Variants in PALM2AKAP2 observed in about 807,000 individuals in gnomAD.
PALM2AKAP2 encodes the protein PALM2-AKAP2 fusion protein.
Under a neutral mutation model 71.5 loss-of-function variants are expected in PALM2AKAP2, and 37 were observed. The ratio of observed to expected loss-of-function variants is 0.52; its 90% CI spans 0.40 to 0.68. The LOEUF (loss-of-function observed/expected upper bound fraction) is 0.68, where lower values mean the gene tolerates loss of function less well. Among genes scored for constraint, PALM2AKAP2 ranks in the 30% least tolerant of loss-of-function variants. The pLI, the probability that PALM2AKAP2 is intolerant of heterozygous loss-of-function variation, is 0.00. For missense variants in PALM2AKAP2, 1,224 were observed against 1,191.8 expected (o/e 1.03, Z -0.40); for synonymous variants, 468 against 478.8 (o/e 0.98, Z 0.29).
chr9:110,148,988 G>A (rs143930790), intron 2 of PALM2AKAP2, among the ~76,000 whole-genome samples: 2 of 152,190 alleles, frequency 1.3e-5, no homozygotes, highest in East Asian at 1.9e-4. Context: ...GCCTTTTCTC[G>A]GGTTCTTTGG....
chr9:109,925,465 T>A (rs1383702567), intron 5 of PALM2AKAP2, among the ~76,000 whole-genome samples: 1 of 152,102 alleles, frequency 6.6e-6, no homozygotes, highest in Non-Finnish European at 1.5e-5. Context: ...GAAACATACG[T>A]GAGAAGTTTA....
chr9:109,936,310 C>T (rs1831216301), intron 6 of PALM2AKAP2, among the ~76,000 whole-genome samples: 1 of 152,122 alleles, frequency 6.6e-6, no homozygotes, highest in Non-Finnish European at 1.5e-5. Context: ...CTGTATTGAA[C>T]ATTAGAACTT....
At chr9:109,782,003 G>T (rs920457219) in intron 1 of PALM2AKAP2, among the ~76,000 whole-genome samples, 2 of 152,354 alleles carry the variant, frequency 1.3e-5, no homozygotes, top group South Asian at 4.1e-4. Flanking sequence ...AACTGTTGAT[G>T]CAGTGGCTGT....
chr9:109,876,184 C>T (rs569694040), intron 2 of PALM2AKAP2, among the ~76,000 whole-genome samples: 18 of 152,028 alleles, frequency 1.2e-4, no homozygotes, highest in East Asian at 5.8e-4. Flanking sequence ...GCTCTGCTTC[C>T]GCTAAATTCT....
intron 1 of PALM2AKAP2, among the ~76,000 whole-genome samples, chr9:109,761,895 G>A (rs1829060059): frequency 6.6e-6 from 1 of 152,154 alleles, no homozygotes; most frequent in South Asian, 2.1e-4. Flanking sequence ...ACCCAGTAAT[G>A]AGATAGAAGA....
intron 1 of PALM2AKAP2, among the ~76,000 whole-genome samples, chr9:109,724,263 A>G (rs1378490185): frequency 5.3e-5 from 8 of 152,228 alleles, no homozygotes; most frequent in Admixed American, 5.2e-4. Flanking sequence ...AAAGGGAAAC[A>G]TCATGTTCTT....
chr9:110,084,164 TA>T (rs1483439373), intron 1 of PALM2AKAP2, among the ~76,000 whole-genome samples: 4 of 152,204 alleles, frequency 2.6e-5, no homozygotes, highest in African/African-American at 9.6e-5. Flanking sequence ...GCAAGAGCTA[TA>T]TAAAACACTA....
At chr9:110,054,440 G>A (rs1454447834) in intron 1 of PALM2AKAP2, among the ~76,000 whole-genome samples, 1 of 152,022 alleles carries the variant, frequency 6.6e-6, no homozygotes, top group Non-Finnish European at 1.5e-5. Flanking sequence ...CAAAACTTGT[G>A]TAAAATCAGA....
chr9:109,640,794 T>C (rs1394085021), exon 1 of PALM2AKAP2: 1 of 1,493,412 alleles, frequency 6.7e-7, no homozygotes, highest in African/African-American at 1.5e-5. Flanking sequence ...GCCAGTGCAC[T>C]CGGCTCCGGG....
intron 1 of PALM2AKAP2, among the ~76,000 whole-genome samples, chr9:110,112,376 C>T (rs75861281): frequency 0.063 from 9,526 of 152,256 alleles, 348 homozygotes; most frequent in Middle Eastern, 0.11. Context: ...GGGCAAATTA[C>T]TTAAGCTCTG....
chr9:109,745,628 A>G (rs1407118817), intron 1 of PALM2AKAP2, among the ~76,000 whole-genome samples: 2 of 152,164 alleles, frequency 1.3e-5, no homozygotes, highest in Non-Finnish European at 2.9e-5. Flanking sequence ...TTACAGCAAT[A>G]ATAAAAATAG....
intron 1 of PALM2AKAP2, chr9:109,866,897 C>T (rs1264882648): frequency 2.6e-6 from 1 of 389,460 alleles, no homozygotes; most frequent in Non-Finnish European, 5.1e-6. Flanking sequence ...GCTGCCCCAC[C>T]CACATGAAAT....
chr9:109,917,971 A>C (rs1312352443), intron 3 of PALM2AKAP2, among the ~76,000 whole-genome samples: 2 of 152,160 alleles, frequency 1.3e-5, no homozygotes, highest in Non-Finnish European at 1.5e-5. Context: ...AGTTTGGAAG[A>C]GGGGGAGAAT....
chr9:109,813,970 CT>C (rs1827789939), intron 1 of PALM2AKAP2, among the ~76,000 whole-genome samples: 1 of 152,118 alleles, frequency 6.6e-6, no homozygotes, highest in Admixed American at 6.5e-5. Flanking sequence ...CGCATGTGCT[CT>C]TTTGGCACTT....
intron 3 of PALM2AKAP2, among the ~76,000 whole-genome samples, chr9:110,159,643 C>T (rs1033289091): frequency 1.3e-5 from 2 of 152,092 alleles, no homozygotes; most frequent in African/African-American, 4.8e-5. Flanking sequence ...GAGTGAAAGA[C>T]AGAAGGAGAA....
At chr9:109,670,128 A>T (rs1827552493) in intron 1 of PALM2AKAP2, among the ~76,000 whole-genome samples, 1 of 152,032 alleles carries the variant, frequency 6.6e-6, no homozygotes, top group South Asian at 2.1e-4. Context: ...TTTTAAAAAA[A>T]CTTTTGATTT....
At chr9:109,880,557 G>T in exon 3 of PALM2AKAP2, 1 of 1,612,794 alleles carries the variant, frequency 6.2e-7, no homozygotes, top group Non-Finnish European at 8.5e-7. Flanking sequence ...ACAGTCCAAA[G>T]TGCTTCGGGA....
At chr9:110,102,731 G>C (rs79367458) in intron 1 of PALM2AKAP2, among the ~76,000 whole-genome samples, 2 of 152,090 alleles carry the variant, frequency 1.3e-5, no homozygotes, top group African/African-American at 4.8e-5. Flanking sequence ...ACAAGACCAC[G>C]TCATTCCCCA....
chr9:109,697,744 C>T (rs1276635901), intron 1 of PALM2AKAP2, among the ~76,000 whole-genome samples: 3 of 152,188 alleles, frequency 2.0e-5, no homozygotes, highest in Non-Finnish European at 2.9e-5. Flanking sequence ...AGAATTATCT[C>T]TGCAATTCTG....
Sources: gnomAD v4.1 joint callset for allele counts (sites outside exome capture counted in the v4.1 genomes callset) on GRCh38, gnomAD v4.1.1 for gene constraint, MANE v1.5 for transcripts, NCBI Gene and HGNC (gene_info 2026-07-23, HGNC 2026-07-21) for gene names.